PCDHGA5: variants seen among roughly 807,000 people sequenced by gnomAD.
PCDHGA5 encodes protocadherin gamma subfamily A, 5.
PCDHGA5 carries 36 observed loss-of-function variants against 56.7 expected under a neutral mutation model. The observed-to-expected ratio is 0.64, with a 90% confidence interval of 0.49 to 0.84. The LOEUF is 0.84. PCDHGA5 is among the 40% of genes least tolerant of loss of function. The pLI, the probability that PCDHGA5 is intolerant of heterozygous loss-of-function variation, is 0.00. For synonymous variants in PCDHGA5, 563 were observed against 520.2 expected (o/e 1.08, Z -1.12); for missense variants, 1,305 against 1,201.5 (o/e 1.09, Z -1.27).
intron 1 of PCDHGA5, chr5:141,383,360 T>C (rs1319923403): frequency 6.2e-7 from 1 of 1,614,006 alleles, no homozygotes; most frequent in Admixed American, 1.7e-5. Flanking sequence ...CGGTTTCCGT[T>C]AAGCGAGGCT....
intron 1 of PCDHGA5, chr5:141,408,940 A>G: frequency 1.2e-6 from 2 of 1,613,658 alleles, no homozygotes; most frequent in Non-Finnish European, 1.7e-6. Context: ...GCAGAGACGA[A>G]TATAGAATTA....
In PCDHGA5 at chr5:141,476,789, T is replaced by A. The variant is rs762462741; in HGVS notation, c.2422-18018T>A. On this transcript the variant is annotated intron_variant, in intron 1 of 3. Coordinates refer to ENST00000518069, the MANE Select transcript of PCDHGA5 (RefSeq NM_018918.3). The surrounding 1 kb of genome is among the most constrained non-coding windows in gnomAD (Gnocchi z 7.6). ...GTTGGACGGAGGGACCCCAGCTCTCTCCGCCAGCCTGCCTATTCACATCAA... is the reference window on the plus strand; with the variant it reads ...GTTGGACGGAGGGACCCCAGCTCTCACCGCCAGCCTGCCTATTCACATCAA... 1.3e-5 allele frequency: 21 copies of A among 1,613,374 alleles called. No individual in the cohort carries two copies. Among genetic ancestry groups the A allele is most frequent in the Non-Finnish European group, 1.7e-5 (20 of 1,180,016 alleles).
At chr5:141,402,434 A>C (rs2150931474) in intron 1 of PCDHGA5, among the ~76,000 whole-genome samples, 1 of 152,272 alleles carries the variant, frequency 6.6e-6, no homozygotes, top group East Asian at 1.9e-4. Flanking sequence ...AAGCATCATA[A>C]AAAGGAAATT....
intron 1 of PCDHGA5, chr5:141,427,957 C>T: frequency 2.5e-6 from 4 of 1,588,402 alleles, no homozygotes; most frequent in South Asian, 1.1e-5. Context: ...GACAATGTGC[C>T]GCGGGTGCTG....
At chr5:141,466,528 T>C (rs1171715691) in intron 1 of PCDHGA5, among the ~76,000 whole-genome samples, 1 of 152,204 alleles carries the variant, frequency 6.6e-6, no homozygotes, top group African/African-American at 2.4e-5. Context: ...TCCTCCCAAA[T>C]TGATGTAGAT....
chr5:141,389,928 C>G, intron 1 of PCDHGA5: 1 of 1,614,066 alleles, frequency 6.2e-7, no homozygotes, highest in Non-Finnish European at 8.5e-7. Flanking sequence ...CCCCTCTGAC[C>G]TCCAGGCTGA....
At chr5:141,385,577 T>A in intron 1 of PCDHGA5, 1 of 1,290,108 alleles carries the variant, frequency 7.8e-7, no homozygotes, top group Non-Finnish European at 9.8e-7. Context: ...TACTTTCCAA[T>A]CTATGTTCCA....
intron 2 of PCDHGA5, among the ~76,000 whole-genome samples, chr5:141,500,705 T>A (rs1169100560): frequency 6.6e-6 from 1 of 152,220 alleles, no homozygotes; most frequent in Non-Finnish European, 1.5e-5. Context: ...TTGCAGTGTA[T>A]CATGAGAATT....
intron 1 of PCDHGA5, chr5:141,372,079 T>C: frequency 6.2e-7 from 1 of 1,613,698 alleles, no homozygotes; most frequent in East Asian, 2.2e-5. Flanking sequence ...GCACCGCTGG[T>C]GCTGTACCCA....
intron 1 of PCDHGA5, among the ~76,000 whole-genome samples, chr5:141,483,094 G>C (rs1304382782): frequency 6.6e-6 from 1 of 152,058 alleles, no homozygotes; most frequent in African/African-American, 2.4e-5. Context: ...CAAAAAAAAA[G>C]TGTGCGTGTA....
In PCDHGA5 at chr5:141,486,334, C is replaced by T; in HGVS notation, c.2422-8473C>T. 1.2e-6 allele frequency: 2 copies of T among 1,614,098 alleles called. No individual in the cohort carries two copies. ...CAGGGTCAAACGGAGATGTGAGCCT[C>T]CGCATTCCTGACCACTTGCCATTTG... On this transcript the variant is annotated intron_variant, in intron 1 of 3. Coordinates refer to ENST00000518069, the MANE Select transcript of PCDHGA5 (RefSeq NM_018918.3). This position sits in a 1 kb window ranked among gnomAD's most constrained non-coding sequence, Gnocchi z 5.0.
chr5:141,409,686 A>T, intron 1 of PCDHGA5: 3 of 1,613,350 alleles, frequency 1.9e-6, no homozygotes, highest in Non-Finnish European at 2.5e-6. Context: ...GTGGCGAGTG[A>T]CCTAGAGCCC....
intron 1 of PCDHGA5, chr5:141,372,687 T>G: frequency 6.2e-7 from 1 of 1,614,018 alleles, no homozygotes. Flanking sequence ...AAACACCGAG[T>G]TTAAATTTCT....
At chr5:141,394,648 G>T (rs1294007915) in intron 1 of PCDHGA5, 1 of 1,613,404 alleles carries the variant, frequency 6.2e-7, no homozygotes, top group East Asian at 2.2e-5. Flanking sequence ...CTCAAGGCCA[G>T]CGAGCCGGGA....
At chr5:141,388,536 G>A (rs1262935958) in intron 1 of PCDHGA5, 1 of 1,613,716 alleles carries the variant, frequency 6.2e-7, no homozygotes, top group Non-Finnish European at 8.5e-7. Context: ...CTTGGACTTT[G>A]GAGCTCCACC....
intron 1 of PCDHGA5, chr5:141,413,929 C>T (rs2095693828): frequency 6.2e-7 from 1 of 1,613,342 alleles, no homozygotes; most frequent in South Asian, 1.1e-5. Context: ...GCCAGAATAC[C>T]GAGTGAGTGT....
intron 1 of PCDHGA5, chr5:141,385,316 G>A: frequency 1.2e-6 from 2 of 1,610,350 alleles, no homozygotes; most frequent in Non-Finnish European, 1.7e-6. Flanking sequence ...AACCTGCCAA[G>A]TATTCAGGTG....
chr5:141,384,739 C>A (rs1484877981), intron 1 of PCDHGA5: 1 of 1,613,938 alleles, frequency 6.2e-7, no homozygotes, highest in African/African-American at 1.3e-5. Context: ...GGCCAGCGAG[C>A]CAGGACTCTT....
chr5:141,499,572 T>C (rs2099792782), intron 2 of PCDHGA5, among the ~76,000 whole-genome samples: 1 of 152,178 alleles, frequency 6.6e-6, no homozygotes, highest in Admixed American at 6.5e-5. Flanking sequence ...CAGCTTCAAC[T>C]AATGCCTTAT....
Sources: allele counts gnomAD v4.1 joint callset (sites outside exome capture counted in the v4.1 genomes callset), GRCh38; gene constraint gnomAD v4.1.1; non-coding constraint Gnocchi (gnomAD v3.1); transcripts MANE v1.5; gene names NCBI Gene and HGNC (gene_info 2026-07-23, HGNC 2026-07-21).